Variants in FBLN7 observed in about 807,000 individuals in gnomAD.
FBLN7 encodes the protein fibulin 7.
A neutral mutation model predicts 44.0 loss-of-function variants in FBLN7; 31 were observed. That is an observed-to-expected ratio of 0.70 (90% confidence interval 0.53 to 0.95). The LOEUF (loss-of-function observed/expected upper bound fraction) is 0.95. Among genes scored for constraint, FBLN7 ranks in the 40% least tolerant of loss-of-function variants. FBLN7 has a pLI of 0.00. For missense variants in FBLN7, 573 were observed against 618.5 expected (o/e 0.93, Z 0.78); for synonymous variants, 262 against 253.4 (o/e 1.03, Z -0.32).
At chr2:112,207,712 C>A in the FBLN7 span, among the ~76,000 whole-genome samples, 1 of 152,146 alleles carries the variant, frequency 6.6e-6, no homozygotes, top group Non-Finnish European at 1.5e-5. Flanking sequence ...AGAATGTATA[C>A]ACGTTTTGGA....
chr2:112,151,041 C>T (rs913762131), intron 1 of FBLN7, among the ~76,000 whole-genome samples: 19 of 152,312 alleles, frequency 1.2e-4, no homozygotes, highest in African/African-American at 4.6e-4. Flanking sequence ...CTCTAGAGGA[C>T]TCCACTCTAG....
chr2:112,207,158 A>G, the FBLN7 span, among the ~76,000 whole-genome samples: 1 of 152,212 alleles, frequency 6.6e-6, no homozygotes, highest in Non-Finnish European at 1.5e-5. Flanking sequence ...TCAATGCTCC[A>G]TGAGCACTTG....
chr2:112,144,378 T>C (rs1680795856), intron 1 of FBLN7, among the ~76,000 whole-genome samples: 1 of 152,258 alleles, frequency 6.6e-6, no homozygotes, highest in Admixed American at 6.5e-5. Context: ...AAAGCATGTT[T>C]CTGTAAAATT....
intron 3 of FBLN7, among the ~76,000 whole-genome samples, chr2:112,171,475 G>A (rs1378878222): frequency 6.6e-6 from 1 of 151,976 alleles, no homozygotes; most frequent in Non-Finnish European, 1.5e-5. Flanking sequence ...CTCACCTTCT[G>A]TATCATGAGG....
intron 3 of FBLN7, 94 bp downstream of exon 3, chr2:112,165,265 T>G (rs1415964897): frequency 6.9e-7 from 1 of 1,447,386 alleles, no homozygotes. Context: ...GAACATTTTC[T>G]GCTTGGTTCT....
intron 5 of FBLN7, 133 bp from the exon 6 acceptor site, chr2:112,182,658 C>A: frequency 9.2e-7 from 1 of 1,083,236 alleles, no homozygotes; most frequent in Non-Finnish European, 1.3e-6. Flanking sequence ...TAGGGCATGG[C>A]GGCTGCCCGA....
At chr2:112,173,866 A>G (rs576794517) in intron 3 of FBLN7, among the ~76,000 whole-genome samples, 1 of 152,340 alleles carries the variant, frequency 6.6e-6, no homozygotes, top group African/African-American at 2.4e-5. Context: ...ACAGATAAAG[A>G]GAGTCTGAAT....
Position 112,181,875 on chromosome 2 carries a change from G to C in FBLN7, c.669G>C (p.Gln223His). The C allele has an allele frequency of 6.5e-7, 1 of 1,533,074 alleles. No homozygotes were observed. Among genetic ancestry groups the C allele is most frequent in the Non-Finnish European group, 8.7e-7 (1 of 1,145,396 alleles). 95.0% of individuals were successfully genotyped at this position (1,533,074 alleles called of 1,614,324 possible). A position where few individuals can be genotyped will look rare whatever the true frequency, so the allele number is the denominator to read the frequency against. ...LSGAAGDSVC[Q>H]DVNECELYGQ... ...GCGCCGCCGGCGACAGCGTCTGCCA[G>C]GGTAGGCGCGGGCTCCGCCAGGACA... The change falls in exon 5 of 8, where the codon CAG (glutamine) becomes CAC (histidine). Residue 223 changes from glutamine (Q) to histidine (H), a missense_variant and splice_region_variant. Coordinates refer to ENST00000331203, the MANE Select transcript of FBLN7 (RefSeq NM_153214.3).
At chr2:112,165,542 G>GGGTGGTGATAAGAACAA (rs1351295971) in intron 3 of FBLN7, among the ~76,000 whole-genome samples, 1 of 152,144 alleles carries the variant, frequency 6.6e-6, no homozygotes, top group Non-Finnish European at 1.5e-5. Flanking sequence ...TCTCTGCTCT[G>GGGTGGTGATAAGAACAA]GACACCAGTG....
the FBLN7 span, among the ~76,000 whole-genome samples, chr2:112,237,452 G>A: frequency 5.9e-5 from 9 of 152,020 alleles, no homozygotes; most frequent in Non-Finnish European, 1.2e-4. Context: ...ATCCGTGCAC[G>A]CATTTATCCA....
At chr2:112,181,500 T>C (rs765306774) in intron 4 of FBLN7, among the ~76,000 whole-genome samples, 13 of 152,200 alleles carry the variant, frequency 8.5e-5, no homozygotes, top group Non-Finnish European at 1.5e-4. Flanking sequence ...CTTGGTGGCC[T>C]GCATTTTCCT....
At chr2:112,141,320 C>G (rs959393535) in intron 1 of FBLN7, among the ~76,000 whole-genome samples, 21 of 152,216 alleles carry the variant, frequency 1.4e-4, no homozygotes, top group African/African-American at 4.1e-4. Context: ...CCCAGTCTCT[C>G]TTGTTGGGCT....
At position 112,187,454 on chromosome 2, in the gene FBLN7, A is replaced by T; in HGVS notation, c.1268A>T (p.Gln423Leu). Residue 423 changes from glutamine to leucine, a missense_variant, in exon 8 of 8, where the codon CAG (glutamine) becomes CTG (leucine). Transcript: ENST00000331203. The surrounding 1 kb of genome is among the most constrained non-coding windows in gnomAD (Gnocchi z 5.1). Reference sequence around the variant, plus strand: ...TCGGAATACCTGGACCGCTCCTTCCAGGCCAACCACGTGTCCAAGGTCACC... The same window carrying T: ...TCGGAATACCTGGACCGCTCCTTCCTGGCCAACCACGTGTCCAAGGTCACC... Reference protein sequence around the residue: ...DMSEYLDRSFQANHVSKVTIF... With the variant: ...DMSEYLDRSFLANHVSKVTIF... 6.2e-7 allele frequency: 1 copy of T among 1,614,198 alleles called. No individual in the cohort carries two copies. The highest frequency in any genetic ancestry group is 8.5e-7 in the Non-Finnish European group (1 of 1,180,038).
chr2:112,194,098 T>TG, the FBLN7 span, among the ~76,000 whole-genome samples: 4 of 152,290 alleles, frequency 2.6e-5, no homozygotes, highest in East Asian at 7.7e-4. Context: ...ACTCCATGCC[T>TG]GGGGGCTAGG....
intron 3 of FBLN7, among the ~76,000 whole-genome samples, chr2:112,168,363 G>GT (rs1351249826): frequency 1.3e-5 from 2 of 152,222 alleles, no homozygotes; most frequent in Non-Finnish European, 2.9e-5. Flanking sequence ...ATCTTAGATG[G>GT]AGATTTTTCT....
the FBLN7 span, among the ~76,000 whole-genome samples, chr2:112,205,189 A>G: frequency 6.6e-6 from 1 of 152,120 alleles, no homozygotes; most frequent in Admixed American, 6.6e-5. Context: ...TCAAATGGCT[A>G]TAGTAAAATA....
rs1340091150 is a variant in FBLN7 at position 112,187,478 on chromosome 2, C to G, written c.1292C>G (p.Thr431Ser). 6 of 1,614,052 alleles carry G rather than the reference C, an allele frequency of 3.7e-6. No homozygotes were observed. Among genetic ancestry groups the G allele is most frequent in the Non-Finnish European group, 5.1e-6 (6 of 1,180,042 alleles). The change falls in exon 8 of 8, where the codon ACC (threonine) becomes AGC (serine). Residue 431 changes from threonine to serine, a missense_variant. By Grantham distance (58) the Thr-to-Ser change is moderately conservative (BLOSUM62 1). Coordinates refer to ENST00000331203, the MANE Select transcript of FBLN7 (RefSeq NM_153214.3). This position sits in a 1 kb window ranked among gnomAD's most constrained non-coding sequence, Gnocchi z 5.1. ...CAGGCCAACCACGTGTCCAAGGTCA[C>G]CATCTTTGTATCCCCCTATGACTTC... ...SFQANHVSKV[T>S]IFVSPYDF
At chr2:112,173,327 G>A (rs947993439) in intron 3 of FBLN7, among the ~76,000 whole-genome samples, 6 of 151,946 alleles carry the variant, frequency 3.9e-5, no homozygotes, top group East Asian at 1.9e-4. Context: ...AAGAAATGCC[G>A]GAAAGACATG....
At position 112,187,648 on chromosome 2, in the gene FBLN7, A is replaced by G; in HGVS notation, c.*142A>G. On this transcript the variant is annotated 3_prime_UTR_variant, in exon 8 of 8. Transcript: ENST00000331203. This position sits in a 1 kb window ranked among gnomAD's most constrained non-coding sequence, Gnocchi z 5.1. Reference sequence around the variant, plus strand: ...ACCCAGGCTTCTAGGGCAGCGTTGCACGGCGCCCCATGGAATAGCACGGAA... The same window carrying G: ...ACCCAGGCTTCTAGGGCAGCGTTGCGCGGCGCCCCATGGAATAGCACGGAA... 4 of 1,127,982 alleles carry G rather than the reference A, an allele frequency of 3.5e-6. No individual in the cohort carries two copies. The highest frequency in any genetic ancestry group is 1.5e-5 in the South Asian group (1 of 67,190). 69.9% of individuals were successfully genotyped at this position (1,127,982 alleles called of 1,614,324 possible).
Sources: gnomAD v4.1 joint callset for allele counts (sites outside exome capture counted in the v4.1 genomes callset) on GRCh38, gnomAD v4.1.1 for gene constraint, Gnocchi (gnomAD v3.1) non-coding constraint, MANE v1.5 for transcripts, NCBI Gene and HGNC (gene_info 2026-07-23, HGNC 2026-07-21) for gene names.